PCDHGA9: variants seen among roughly 807,000 people sequenced by gnomAD.
PCDHGA9 encodes protocadherin gamma-A9.
A neutral mutation model predicts 62.5 loss-of-function variants in PCDHGA9; 37 were observed. The ratio of observed to expected loss-of-function variants is 0.59; its 90% CI spans 0.46 to 0.78. The LOEUF is 0.78. PCDHGA9 is among the 30% of genes least tolerant of loss of function. The probability of loss-of-function intolerance (pLI) is 0.00; values close to 1 mark genes in which losing one functional copy is unlikely to be tolerated. For missense variants in PCDHGA9, 1,138 were observed against 1,166.2 expected (o/e 0.98, Z 0.35); for synonymous variants, 459 against 484.6 (o/e 0.95, Z 0.69).
In PCDHGA9 at chr5:141,511,364, T is replaced by C. The variant is rs115159796; in HGVS notation, c.*191T>C. The C allele has an allele frequency of 4.6e-4, 610 of 1,317,098 alleles. 5 individuals are homozygous for C. In the African/African-American group the frequency reaches 7.1e-3, roughly 15 times the overall value. The allele number at this position is 1,317,098 out of a possible 1,614,324, so 81.6% of individuals were successfully genotyped here. On this transcript the variant is annotated 3_prime_UTR_variant, in exon 4 of 4. Coordinates refer to ENST00000573521, the MANE Select transcript of PCDHGA9 (RefSeq NM_018921.3). ...ACCCCTTCCCCCCCAGGGGGTTGAA[T>C]ATGCAAAAGCAGTTCCGCTGGGAAC...
chr5:141,433,837 C>CAA (rs56191208), intron 1 of PCDHGA9, among the ~76,000 whole-genome samples: 9,379 of 111,452 alleles, frequency 0.084, 424 homozygotes, highest in African/African-American at 0.14. Flanking sequence ...AACTCTATCT[C>CAA]AAAAAAAAAA....
intron 1 of PCDHGA9, among the ~76,000 whole-genome samples, chr5:141,451,410 G>T (rs1201545799): frequency 6.6e-6 from 1 of 152,190 alleles, no homozygotes; most frequent in East Asian, 1.9e-4. Context: ...TAAGTTCCTT[G>T]TGGATTGTTA....
chr5:141,428,197 G>A, intron 1 of PCDHGA9: 3 of 1,385,968 alleles, frequency 2.2e-6, no homozygotes, highest in Non-Finnish European at 3.0e-6. Context: ...CGCTCTCTGC[G>A]CCGCTACGCT....
In PCDHGA9 at chr5:141,511,532, T is replaced by G. The variant is rs548369303; in HGVS notation, c.*359T>G. Reference sequence around the variant, plus strand: ...GCCCATCCATCCCATGCCTCCCTCCTCCCCACCCCACTCCAACAGTTCCTC... The same window carrying G: ...GCCCATCCATCCCATGCCTCCCTCCGCCCCACCCCACTCCAACAGTTCCTC... On this transcript the variant is annotated 3_prime_UTR_variant, in exon 4 of 4. Transcript: ENST00000573521. 3.6e-5 allele frequency: 12 copies of G among 335,506 alleles called. No homozygotes were observed. In the East Asian group the frequency reaches 8.0e-4, roughly 22 times the overall value. The allele number at this position is 335,506 out of a possible 1,614,324, so 20.8% of individuals were successfully genotyped here. A position where few individuals can be genotyped will look rare whatever the true frequency, so the allele number is the denominator to read the frequency against.
rs1370445288 is a variant in PCDHGA9 at position 141,403,862 on chromosome 5, G to A, written c.910G>A (p.Ala304Thr). Residue 304 changes from alanine to threonine, a missense_variant, in exon 1 of 4, where the codon GCA becomes ACA. Ala to Thr is a moderately conservative substitution (Grantham distance 58). Coordinates refer to ENST00000573521, the MANE Select transcript of PCDHGA9 (RefSeq NM_018921.3). ...TGAAAATACTGGGGAAATATCAACA[G>A]CAAAAAGTCTAGATTATGAAGAATG... ...LNENTGEIST[A>T]KSLDYEECSF... is the part of the protein sequence containing the mutation. 1.2e-6 allele frequency: 2 copies of A among 1,613,508 alleles called. No homozygotes were observed. The highest frequency in any genetic ancestry group is 2.2e-5 in the East Asian group (1 of 44,876).
intron 1 of PCDHGA9, chr5:141,478,479 C>T (rs750055106): frequency 1.9e-6 from 3 of 1,613,550 alleles, no homozygotes; most frequent in Admixed American, 1.7e-5. Context: ...CGCCAGAACA[C>T]GCTGCGGAGC....
intron 1 of PCDHGA9, chr5:141,414,836 T>C: frequency 6.2e-7 from 1 of 1,614,222 alleles, no homozygotes; most frequent in Non-Finnish European, 8.5e-7. Context: ...TCGTTGAGCC[T>C]GTTTGTGCTG....
At chr5:141,417,943 G>A (rs772925118) in intron 1 of PCDHGA9, 2 of 1,613,194 alleles carry the variant, frequency 1.2e-6, no homozygotes, top group Admixed American at 1.7e-5. Flanking sequence ...TCTACCCCAC[G>A]CTGTGTGAGC....
rs1388608588 is a variant in PCDHGA9 at position 141,481,102 on chromosome 5, A to T, written c.2425-13705A>T. The stretch of plus-strand genomic sequence containing the variant: ...GAAAAAAGAAAAGCAGTACTCTGGA[A>T]CCTACCAATCCATCATTTAGCATAT... On this transcript the variant is annotated intron_variant, in intron 1 of 3. Transcript: ENST00000573521. 3.3e-5 allele frequency among the ~76,000 whole-genome samples: 5 copies of T among 152,288 alleles called. No individual in the cohort carries two copies. The East Asian group carries it at 7.7e-4, about 24-fold the overall frequency.
rs1055042563 is a variant in PCDHGA9, at chr5:141,512,805, C to G, written c.*1632C>G. On this transcript the variant is annotated 3_prime_UTR_variant, in exon 4 of 4. Coordinates refer to ENST00000573521, the MANE Select transcript of PCDHGA9 (RefSeq NM_018921.3). ...TGTTGTGTTTTGTGCTGTGTCCACG[C>G]GCTAAGGCGACCCCCTCCCCCGTAC... 3.0e-4 allele frequency: 46 copies of G among 152,378 alleles called. No individual in the cohort carries two copies. Among genetic ancestry groups the G allele is most frequent in the African/African-American group, 9.9e-4 (41 of 41,570 alleles). The allele number at this position is 152,378 out of a possible 1,614,324, so 9.4% of individuals were successfully genotyped here.
rs561569572 is a variant in PCDHGA9, at chr5:141,512,054, C to A, written c.*881C>A. 6.5e-6 allele frequency: 1 copy of A among 152,828 alleles called. No individual in the cohort carries two copies. The highest frequency in any genetic ancestry group is 1.9e-4 in the East Asian group (1 of 5,184). The allele number at this position is 152,828 out of a possible 1,614,324, so 9.5% of individuals were successfully genotyped here. On this transcript the variant is annotated 3_prime_UTR_variant, in exon 4 of 4. Coordinates refer to ENST00000573521, the MANE Select transcript of PCDHGA9 (RefSeq NM_018921.3). Reference sequence around the variant, plus strand: ...GGAGGCTCTGTATGTCCTCAGGGGACTGACAACATCCTCCAGATTCCAGCC... The same window carrying A: ...GGAGGCTCTGTATGTCCTCAGGGGAATGACAACATCCTCCAGATTCCAGCC...
At chr5:141,475,600 T>A (rs1023916159) in intron 1 of PCDHGA9, among the ~76,000 whole-genome samples, 2 of 152,192 alleles carry the variant, frequency 1.3e-5, no homozygotes, top group Admixed American at 1.3e-4. Context: ...TTCCAGACAA[T>A]GTTGTGTAGT....
chr5:141,475,049 A>G (rs553607902), intron 1 of PCDHGA9, among the ~76,000 whole-genome samples: 81 of 152,346 alleles, frequency 5.3e-4, no homozygotes, highest in African/African-American at 1.8e-3. Context: ...TGTATTTTCT[A>G]AAGATTTGTG....
At chr5:141,483,854 T>C (rs2154580004) in intron 1 of PCDHGA9, among the ~76,000 whole-genome samples, 1 of 152,236 alleles carries the variant, frequency 6.6e-6, no homozygotes, top group South Asian at 2.1e-4. Flanking sequence ...ATTAAGAAAT[T>C]TCATGTCCAG....
At position 141,432,552 on chromosome 5, in the gene PCDHGA9, C is replaced by G. The variant is rs1181931321; in HGVS notation, c.2424+27176C>G. ...AAGGTGGTGGCGGTGGACAGAGACT[C>G]CGGCCAGAACGCCTGGCTGTCCTAC... On this transcript the variant is annotated intron_variant, in intron 1 of 3. Coordinates refer to ENST00000573521, the MANE Select transcript of PCDHGA9 (RefSeq NM_018921.3). The surrounding 1 kb of genome is among the most constrained non-coding windows in gnomAD (Gnocchi z 6.0). The G allele has an allele frequency of 6.2e-7, 1 of 1,613,970 alleles. No homozygotes were observed. The highest frequency in any genetic ancestry group is 1.1e-5 in the South Asian group (1 of 91,064).
chr5:141,422,546 G>T, intron 1 of PCDHGA9: 2 of 1,613,972 alleles, frequency 1.2e-6, no homozygotes, highest in South Asian at 2.2e-5. Flanking sequence ...ACTCATGTCT[G>T]GCTGAATGTG....
chr5:141,450,413 T>G (rs549247554), intron 1 of PCDHGA9, among the ~76,000 whole-genome samples: 1 of 152,334 alleles, frequency 6.6e-6, no homozygotes, highest in African/African-American at 2.4e-5. Context: ...GCCATTTGTC[T>G]TGTATAATGC....
chr5:141,476,078 C>G lies in PCDHGA9; in HGVS notation c.2425-18729C>G. On this transcript the variant is annotated intron_variant, in intron 1 of 3. Transcript: ENST00000573521. The surrounding 1 kb of genome is among the most constrained non-coding windows in gnomAD (Gnocchi z 7.6). ...AAGTTTCTCAGCGAAATCTCAGGGA[C>G]GATCTGGACCCCGCTGAGAGGAACT... is the stretch of plus-strand genomic sequence containing the variant. 1 of 1,528,034 alleles carries G rather than the reference C, an allele frequency of 6.5e-7. No homozygotes were observed. 94.7% of individuals were successfully genotyped at this position (1,528,034 alleles called of 1,614,324 possible).
At chr5:141,418,520 C>T (rs766042374) in intron 1 of PCDHGA9, 3 of 1,613,936 alleles carry the variant, frequency 1.9e-6, no homozygotes, top group Non-Finnish European at 2.5e-6. Flanking sequence ...TGGGGACCCT[C>T]CCCGAAGCGG....
Sources: gnomAD v4.1 joint callset for allele counts (sites outside exome capture counted in the v4.1 genomes callset) on GRCh38, gnomAD v4.1.1 for gene constraint, Gnocchi (gnomAD v3.1) non-coding constraint, MANE v1.5 for transcripts, NCBI Gene and HGNC (gene_info 2026-07-23, HGNC 2026-07-21) for gene names.